The following TMC1 variants were observed in gnomAD, a reference collection of about 807,000 sequenced individuals.
TMC1 encodes transmembrane channel-like protein 1.
In TMC1, 84 loss-of-function variants were observed where a neutral mutation model predicts 105.8. The ratio of observed to expected loss-of-function variants is 0.79; its 90% CI spans 0.67 to 0.95. The LOEUF (loss-of-function observed/expected upper bound fraction) is 0.95. Ranked by LOEUF, TMC1 falls within the 40% of genes least tolerant of loss-of-function variation. The pLI, the probability that TMC1 is intolerant of heterozygous loss-of-function variation, is 0.00. For synonymous variants in TMC1, 315 were observed against 311.5 expected (o/e 1.01, Z -0.12); for missense variants, 817 against 914.1 (o/e 0.89, Z 1.37).
intron 8 of TMC1, among the ~76,000 whole-genome samples, chr9:72,708,069 G>A (rs1826773474): frequency 6.6e-6 from 1 of 152,104 alleles, no homozygotes; most frequent in African/African-American, 2.4e-5. Flanking sequence ...AGATCAGTTG[G>A]CTGTAAGTAT....
chr9:72,780,185 A>G (rs892351682), intron 13 of TMC1, among the ~76,000 whole-genome samples: 3 of 152,224 alleles, frequency 2.0e-5, no homozygotes, highest in African/African-American at 7.2e-5. Context: ...AAGGAGAAAT[A>G]AAATCCTTTT....
intron 23 of TMC1, 56 bp downstream of exon 23, chr9:72,830,738 C>CTTTTTTTTTTTTTTTTTCTTT: frequency 1.7e-6 from 2 of 1,146,924 alleles, no homozygotes; most frequent in Admixed American, 2.6e-5. Context: ...CTTTTTCTTT[C>CTTTTTTTTTTTTTTTTTCTTT]TTTTTTTTTT....
chr9:72,732,041 A>G (rs1007004037), intron 8 of TMC1, among the ~76,000 whole-genome samples: 8 of 152,232 alleles, frequency 5.3e-5, no homozygotes, highest in African/African-American at 1.9e-4. Flanking sequence ...CTTTCTGCAT[A>G]TGGTACAATG....
At chr9:72,732,775 G>A (rs1317575285) in intron 8 of TMC1, among the ~76,000 whole-genome samples, 1 of 152,060 alleles carries the variant, frequency 6.6e-6, no homozygotes. Flanking sequence ...AGGTGACCTT[G>A]GATACTTATT....
At chr9:72,816,858 G>A (rs1053372272) in intron 19 of TMC1, among the ~76,000 whole-genome samples, 146 of 152,040 alleles carry the variant, frequency 9.6e-4, no homozygotes, top group African/African-American at 3.3e-3. Flanking sequence ...AGTAGAAATC[G>A]TTTTTGAGTT....
At position 72,836,032 on chromosome 9, in the gene TMC1, A is replaced by C. The variant is rs1829121729; in HGVS notation, c.*59A>C. ...TGCCTTGCTGTTTAAAAGTAATGCA[A>C]TATGTGAACGCCCAGAGAACAAGCA... On this transcript the variant is annotated 3_prime_UTR_variant, in exon 24 of 24. Transcript: ENST00000297784. 1 of 1,576,376 alleles carries C rather than the reference A, an allele frequency of 6.3e-7. No individual in the cohort carries two copies. The highest frequency in any genetic ancestry group is 1.7e-5 in the Admixed American group (1 of 59,928).
rs973075171 is a variant in TMC1 at position 72,701,308 on chromosome 9, G to T, written c.362+665G>T. On this transcript the variant is annotated intron_variant, in intron 8 of 23. Coordinates refer to ENST00000297784, the MANE Select transcript of TMC1 (RefSeq NM_138691.3). ...TGTTGATGCTAATGTGGACGCGAAC[G>T]CAGTCAGAGCACACAGATTTATAAA... Among the ~76,000 whole-genome samples, 5 of 152,172 alleles carry T rather than the reference G, an allele frequency of 3.3e-5. No individual in the cohort carries two copies. In the East Asian group the frequency reaches 9.6e-4, roughly 29 times the overall value.
intron 5 of TMC1, among the ~76,000 whole-genome samples, chr9:72,686,348 A>G (rs1038612893): frequency 2.0e-5 from 3 of 152,218 alleles, no homozygotes; most frequent in African/African-American, 7.2e-5. Context: ...GCAACATGCC[A>G]TCTCAGACAT....
chr9:72,774,319 A>C (rs796742221), intron 13 of TMC1, among the ~76,000 whole-genome samples: 19 of 152,366 alleles, frequency 1.2e-4, no homozygotes, highest in African/African-American at 4.6e-4. Flanking sequence ...TAATTTTAAT[A>C]ATAAATATAT....
chr9:72,720,097 C>T lies in TMC1; in HGVS notation c.362+19454C>T, dbSNP rs541290010. ...ACCTAGCATAATAATTTTCTTTATCCCTCTTAACCCTCCTTCAAGGTAGGT... is the reference window on the plus strand; with the variant it reads ...ACCTAGCATAATAATTTTCTTTATCTCTCTTAACCCTCCTTCAAGGTAGGT... On this transcript the variant is annotated intron_variant, in intron 8 of 23. Coordinates refer to ENST00000297784, the MANE Select transcript of TMC1 (RefSeq NM_138691.3). 1.1e-4 allele frequency among the ~76,000 whole-genome samples: 16 copies of T among 152,170 alleles called. No homozygotes were observed. In the East Asian group the frequency reaches 3.1e-3, roughly 29 times the overall value.
At chr9:72,815,476 AAAAAG>A (rs1440425389) in intron 18 of TMC1, among the ~76,000 whole-genome samples, 2 of 152,228 alleles carry the variant, frequency 1.3e-5, no homozygotes, top group Non-Finnish European at 2.9e-5. Flanking sequence ...GCAAAACTTG[AAAAAG>A]AAAAGGAAAA....
intron 10 of TMC1, among the ~76,000 whole-genome samples, chr9:72,750,629 T>C (rs1473069407): frequency 2.0e-5 from 3 of 152,192 alleles, no homozygotes; most frequent in African/African-American, 7.2e-5. Context: ...CTGAACATTC[T>C]TGCCTATTGC....
At chr9:72,776,377 A>T (rs568324870) in intron 13 of TMC1, among the ~76,000 whole-genome samples, 8 of 152,274 alleles carry the variant, frequency 5.3e-5, no homozygotes, top group African/African-American at 1.9e-4. Flanking sequence ...ATAATTATAA[A>T]TTATACTTGA....
chr9:72,807,946 C>T (rs1478124052), intron 18 of TMC1, among the ~76,000 whole-genome samples: 1 of 152,186 alleles, frequency 6.6e-6, no homozygotes, highest in Non-Finnish European at 1.5e-5. Context: ...TCAGGTCCCC[C>T]AACAAAGTCT....
chr9:72,555,973 C>CAAAAAAAA lies in TMC1; in HGVS notation c.-427-21905_-427-21898dup, dbSNP rs59431883. Among the ~76,000 whole-genome samples, 26 of 42,578 alleles carry CAAAAAAAA rather than the reference C, an allele frequency of 6.1e-4. 1 individual carries two copies. Among genetic ancestry groups the CAAAAAAAA allele is most frequent in the African/African-American group, 1.9e-3 (20 of 10,480 alleles). The allele number at this position is 42,578 out of a possible 152,430, so 27.9% of individuals were successfully genotyped here. ...CAGGAAAACCAATCTATGACTAAGG[C>CAAAAAAAA]AAAAAAAAAAAAAAAAAAAAAAAAA... On this transcript the variant is annotated intron_variant, in intron 1 of 23. Transcript: ENST00000297784.
intron 2 of TMC1, among the ~76,000 whole-genome samples, chr9:72,585,937 C>T (rs1824548168): frequency 6.6e-6 from 1 of 152,112 alleles, no homozygotes; most frequent in Admixed American, 6.5e-5. Context: ...CCACCCTGGA[C>T]TGTTTGACTT....
In TMC1 at chr9:72,675,766, C is replaced by T. The variant is rs1475609612; in HGVS notation, c.17-12943C>T. Among the ~76,000 whole-genome samples, 4 of 152,156 alleles carry T rather than the reference C, an allele frequency of 2.6e-5. No homozygotes were observed. In the East Asian group the frequency reaches 7.7e-4, roughly 29 times the overall value. ...GACTTGGCAGACTGTCAAGCTCTTA[C>T]TAAGTGACCCCACCCCATGCCTTTT... On this transcript the variant is annotated intron_variant, in intron 5 of 23. Coordinates refer to ENST00000297784, the MANE Select transcript of TMC1 (RefSeq NM_138691.3).
At chr9:72,640,378 C>T (rs1825606174) in intron 4 of TMC1, among the ~76,000 whole-genome samples, 1 of 152,162 alleles carries the variant, frequency 6.6e-6, no homozygotes, top group Admixed American at 6.5e-5. Context: ...GTGTAGTCAT[C>T]ACTCATCTCT....
intron 1 of TMC1, among the ~76,000 whole-genome samples, chr9:72,523,203 T>G (rs1823344768): frequency 6.6e-6 from 1 of 151,368 alleles, no homozygotes; most frequent in Admixed American, 6.6e-5. Flanking sequence ...GGAAATGAAG[T>G]GGGCTGAGTT....
Sources: allele counts gnomAD v4.1 joint callset (sites outside exome capture counted in the v4.1 genomes callset), GRCh38; gene constraint gnomAD v4.1.1; transcripts MANE v1.5; gene names NCBI Gene and HGNC (gene_info 2026-07-23, HGNC 2026-07-21).